Variants in PUDP observed in about 807,000 individuals in gnomAD.
PUDP encodes the protein pseudouridine-5'-phosphatase.
A neutral mutation model predicts 9.4 loss-of-function variants in PUDP; 8 were observed. That is an observed-to-expected ratio of 0.85 (90% CI 0.50 to 1.53). The LOEUF is 1.53. PUDP is among the 40% of genes most tolerant of loss of function. The probability of loss-of-function intolerance (pLI) is 0.00; values close to 1 mark genes in which losing one functional copy is unlikely to be tolerated. For missense variants in PUDP, 188 were observed against 189.7 expected (o/e 0.99, Z 0.05); for synonymous variants, 99 against 80.7 (o/e 1.23, Z -1.22).
chrX:7,016,625 C>A (rs1929553224), intron 1 of PUDP, among the ~76,000 whole-genome samples: 1 of 111,212 alleles, frequency 9.0e-6, no homozygotes, highest in African/African-American at 3.3e-5. Flanking sequence ...CTCCAGCCCA[C>A]ACGAGGTTCA....
intron 3 of PUDP, among the ~76,000 whole-genome samples, chrX:6,863,253 T>G (rs1244592116): frequency 8.9e-6 from 1 of 112,452 alleles, no homozygotes; most frequent in African/African-American, 3.2e-5. Context: ...TACTGAGATA[T>G]TTTACATTCT....
intron 1 of PUDP, among the ~76,000 whole-genome samples, chrX:7,146,843 T>TG (rs1181028223): frequency 1.9e-5 from 2 of 106,583 alleles, no homozygotes; most frequent in East Asian, 5.9e-4. Flanking sequence ...GGGTTTTTTT[T>TG]TTTTTTTTTT....
chrX:6,906,385 A>C (rs1321828624), intron 3 of PUDP, among the ~76,000 whole-genome samples: 2 of 112,419 alleles, frequency 1.8e-5, no homozygotes, highest in Non-Finnish European at 3.8e-5. Flanking sequence ...AGAAGAGGAG[A>C]TAAAGAAATG....
intron 1 of PUDP, among the ~76,000 whole-genome samples, chrX:7,016,901 A>G (rs1263006895): frequency 9.0e-6 from 1 of 111,349 alleles, no homozygotes; most frequent in Non-Finnish European, 1.9e-5. Flanking sequence ...TTCCATGTAC[A>G]ATATCCATCT....
At chrX:6,846,124 T>C (rs1043170137) in intron 3 of PUDP, among the ~76,000 whole-genome samples, 2 of 111,883 alleles carry the variant, frequency 1.8e-5, no homozygotes, top group East Asian at 2.8e-4. Flanking sequence ...TTTGGAAACA[T>C]TGGAAATTTT....
intron 3 of PUDP, among the ~76,000 whole-genome samples, chrX:7,072,454 TC>T: frequency 9.0e-6 from 1 of 111,526 alleles, no homozygotes; most frequent in East Asian, 2.8e-4. Flanking sequence ...GAAATTCAGC[TC>T]CTAAAACAAC....
At chrX:6,898,277 G>A (rs1020171036) in intron 3 of PUDP, among the ~76,000 whole-genome samples, 3 of 112,879 alleles carry the variant, frequency 2.7e-5, no homozygotes, top group East Asian at 2.8e-4. Context: ...CATAAATGCA[G>A]AAATAACACC....
rs190972912 is a variant in PUDP at position 6,801,426 on chromosome X, C to A, written c.*248-94960G>T. ...CTCTGTCACTTACAGAACCAATGAC[C>A]GCCAACTGAGCAAAGGAGTAGGGTT... On this transcript the variant is annotated intron_variant and NMD_transcript_variant, in intron 3 of 3. Transcript: ENST00000655425. 2.8e-3 allele frequency among the ~76,000 whole-genome samples: 318 copies of A among 112,225 alleles called. 1 individual carries two copies. Among genetic ancestry groups the A allele is most frequent in the African/African-American group, 8.8e-3 (272 of 30,912 alleles).
At chrX:7,003,692 C>T (rs928074505) in intron 1 of PUDP, among the ~76,000 whole-genome samples, 3 of 111,614 alleles carry the variant, frequency 2.7e-5, no homozygotes, top group African/African-American at 9.8e-5. Context: ...CTGCCCCAGG[C>T]AATGAGCACA....
chrX:6,808,506 T>C (rs1022584696), intron 3 of PUDP, among the ~76,000 whole-genome samples: 7 of 111,920 alleles, frequency 6.3e-5, no homozygotes, highest in African/African-American at 1.3e-4. Flanking sequence ...ATCACATTTA[T>C]GGTCTGATTT....
chrX:7,098,442 G>A (rs1931635637), intron 2 of PUDP, among the ~76,000 whole-genome samples: 1 of 111,291 alleles, frequency 9.0e-6, no homozygotes, highest in African/African-American at 3.3e-5. Context: ...TCCCATCCAT[G>A]AGGCTCCACC....
At chrX:6,957,676 C>T (rs757983477) in intron 3 of PUDP, among the ~76,000 whole-genome samples, 48 of 112,056 alleles carry the variant, frequency 4.3e-4, no homozygotes, top group Non-Finnish European at 8.5e-4. Flanking sequence ...GGCAGTGGCT[C>T]GGGAACTAGG....
chrX:6,951,807 T>C (rs1336836095), intron 3 of PUDP, among the ~76,000 whole-genome samples: 1 of 112,278 alleles, frequency 8.9e-6, no homozygotes, highest in African/African-American at 3.2e-5. Context: ...GCTGGAACTT[T>C]TTCAGAATAT....
rs147292348 is a variant in PUDP at position 7,085,679 on chromosome X, A to T, written c.281-8230T>A. On this transcript the variant is annotated intron_variant, in intron 2 of 3. Transcript: ENST00000381077. ...TTTAAAAACATATGCTGATGCATTT[A>T]TTTCTTGTTCAAGATTTATCGAAGG... 6.8e-3 allele frequency among the ~76,000 whole-genome samples: 760 copies of T among 112,234 alleles called. 2 individuals carry two copies. Among genetic ancestry groups the T allele is most frequent in the Non-Finnish European group, 0.01 (556 of 53,229 alleles).
chrX:7,000,532 G>C (rs1371910949), intron 1 of PUDP, among the ~76,000 whole-genome samples: 3 of 108,543 alleles, frequency 2.8e-5, no homozygotes, highest in Admixed American at 2.0e-4. Context: ...ATTATCCAAG[G>C]AAAGACATTT....
intron 3 of PUDP, among the ~76,000 whole-genome samples, chrX:6,773,730 C>T (rs773255481): frequency 4.5e-5 from 5 of 111,300 alleles, no homozygotes; most frequent in Admixed American, 9.5e-5. Flanking sequence ...ACCATTGTCA[C>T]GGCAACACCC....
At chrX:6,985,684 T>C (rs993302484) in intron 1 of PUDP, among the ~76,000 whole-genome samples, 1 of 111,336 alleles carries the variant, frequency 9.0e-6, no homozygotes. Context: ...TGTGGAAGCC[T>C]GTGTTAGTGA....
chrX:6,927,006 C>T (rs1227776301), intron 3 of PUDP, among the ~76,000 whole-genome samples: 1 of 100,891 alleles, frequency 9.9e-6, no homozygotes, highest in African/African-American at 3.7e-5. Flanking sequence ...CGGGTCACTA[C>T]AGCCTCAAAC....
chrX:6,975,313 CT>C (rs1377925172), intron 3 of PUDP, among the ~76,000 whole-genome samples: 1 of 111,074 alleles, frequency 9.0e-6, no homozygotes, highest in Non-Finnish European at 1.9e-5. Context: ...AATTTTCAGC[CT>C]TTTTATACTG....
Sources: gnomAD v4.1 joint callset for allele counts (sites outside exome capture counted in the v4.1 genomes callset) on GRCh38, gnomAD v4.1.1 for gene constraint, MANE v1.5 for transcripts, NCBI Gene and HGNC (gene_info 2026-07-23, HGNC 2026-07-21) for gene names.